Variants in MTX2 observed in about 807,000 individuals in gnomAD.
The protein encoded by MTX2 is metaxin-2.
MTX2 carries 35 observed loss-of-function variants against 42.3 expected under a neutral mutation model. The observed-to-expected ratio is 0.83, with a 90% CI of 0.63 to 1.10. The LOEUF is 1.10. MTX2 is among the 50% of genes least tolerant of loss of function. The probability of loss-of-function intolerance (pLI) is 0.00; values close to 1 mark genes in which losing one functional copy is unlikely to be tolerated. For synonymous variants in MTX2, 119 were observed against 100.9 expected (o/e 1.18, Z -1.08); for missense variants, 307 against 304.1 (o/e 1.01, Z -0.07).
chr2:176,276,322 G>A lies in MTX2; in HGVS notation c.40+6653G>A, dbSNP rs540053146. Among the ~76,000 whole-genome samples, 21 of 152,222 alleles carry A rather than the reference G, an allele frequency of 1.4e-4. No homozygotes were observed. In the South Asian group the frequency reaches 2.9e-3, roughly 21 times the overall value. ...GAATCTTGGTATAGGTCATATTGGC[G>A]GTCTGTTAATTAGAATTGCCATAGC... On this transcript the variant is annotated intron_variant, in intron 1 of 9. Transcript: ENST00000249442.
At chr2:176,311,077 G>A (rs953555798) in intron 3 of MTX2, among the ~76,000 whole-genome samples, 4 of 152,150 alleles carry the variant, frequency 2.6e-5, no homozygotes, top group Non-Finnish European at 4.4e-5. Context: ...TACAAATGGG[G>A]TTTTGGTGTA....
At chr2:176,298,732 G>A (rs1479138079) in intron 3 of MTX2, among the ~76,000 whole-genome samples, 1 of 152,126 alleles carries the variant, frequency 6.6e-6, no homozygotes, top group Non-Finnish European at 1.5e-5. Context: ...CAATGTAAAA[G>A]TAAATGATTT....
At chr2:176,323,581 A>C (rs1285911963) in intron 4 of MTX2, 117 bp downstream of exon 4, 2 of 925,862 alleles carry the variant, frequency 2.2e-6, no homozygotes, top group Non-Finnish European at 3.3e-6. Flanking sequence ...CCTTTGAAGA[A>C]TCTTTCCATG....
At chr2:176,294,278 CT>C (rs750682515) in intron 1 of MTX2, among the ~76,000 whole-genome samples, 28,224 of 125,184 alleles carry the variant, frequency 0.23, 2,461 homozygotes, top group South Asian at 0.26. Context: ...GATGAATTAA[CT>C]TTTTTTTTTT....
chr2:176,287,897 CTTTTTT>C (rs35080426), intron 1 of MTX2, among the ~76,000 whole-genome samples: 1 of 140,252 alleles, frequency 7.1e-6, no homozygotes, highest in Non-Finnish European at 1.5e-5. Flanking sequence ...ATACTGACTG[CTTTTTT>C]TTTTTTTTTA....
In MTX2 at chr2:176,337,701, A is replaced by T. The variant is rs780140871; in HGVS notation, c.*37A>T. ...AGTCTCAGGAGTCTTAACTTTTGAA[A>T]TATGTTTTACTTGAATGTTACATTA... is the stretch of plus-strand genomic sequence containing the variant. On this transcript the variant is annotated 3_prime_UTR_variant, in exon 10 of 10. Coordinates refer to ENST00000249442, the MANE Select transcript of MTX2 (RefSeq NM_006554.5). The T allele has an allele frequency of 6.7e-7, 1 of 1,482,976 alleles. No individual in the cohort carries two copies. Among genetic ancestry groups the T allele is most frequent in the Non-Finnish European group, 9.0e-7 (1 of 1,110,424 alleles). 91.9% of individuals were successfully genotyped at this position (1,482,976 alleles called of 1,614,324 possible). A position where few individuals can be genotyped will look rare whatever the true frequency, so the allele number is the denominator to read the frequency against.
intron 3 of MTX2, among the ~76,000 whole-genome samples, chr2:176,316,490 C>T (rs1366881531): frequency 6.6e-6 from 1 of 152,148 alleles, no homozygotes; most frequent in Admixed American, 6.5e-5. Context: ...CAGCCTCAAC[C>T]TCCTGGGCTT....
At chr2:176,271,985 T>C (rs1396697455) in intron 1 of MTX2, among the ~76,000 whole-genome samples, 1 of 152,112 alleles carries the variant, frequency 6.6e-6, no homozygotes, top group African/African-American at 2.4e-5. Context: ...AGCCAAGATA[T>C]GGAAGCAACC....
intron 3 of MTX2, among the ~76,000 whole-genome samples, chr2:176,314,012 C>T (rs1684379151): frequency 6.6e-6 from 1 of 152,022 alleles, no homozygotes; most frequent in Non-Finnish European, 1.5e-5. Flanking sequence ...ACATTGAGCC[C>T]TTTTTACCAT....
chr2:176,332,122 T>C (rs1684877246), intron 9 of MTX2, among the ~76,000 whole-genome samples: 2 of 151,310 alleles, frequency 1.3e-5, no homozygotes, highest in South Asian at 4.1e-4. Context: ...TTAATTGATA[T>C]TATGATGTAG....
chr2:176,295,059 A>G (rs539185882), intron 1 of MTX2, among the ~76,000 whole-genome samples: 1 of 152,292 alleles, frequency 6.6e-6, no homozygotes, highest in South Asian at 2.1e-4. Flanking sequence ...GTTTAATCAA[A>G]TATCTTCTTT....
intron 1 of MTX2, among the ~76,000 whole-genome samples, chr2:176,293,807 G>C (rs1027748721): frequency 2.6e-5 from 4 of 152,164 alleles, no homozygotes; most frequent in Non-Finnish European, 5.9e-5. Flanking sequence ...ACAGAATCAT[G>C]TAGGTGATGC....
intron 3 of MTX2, among the ~76,000 whole-genome samples, chr2:176,318,381 A>G (rs1439486689): frequency 6.6e-6 from 1 of 152,184 alleles, no homozygotes; most frequent in Non-Finnish European, 1.5e-5. Context: ...ATTAAATTTC[A>G]GGGTCTTAGA....
At chr2:176,326,753 A>AT (rs977606270) in intron 4 of MTX2, 72 bp from the exon 5 acceptor site, 94 of 998,732 alleles carry the variant, frequency 9.4e-5, no homozygotes, top group Middle Eastern at 3.2e-4. Flanking sequence ...TTTTGTGTTA[A>AT]TTTTTTTTAA....
intron 1 of MTX2, among the ~76,000 whole-genome samples, chr2:176,292,420 T>A (rs1353501060): frequency 6.8e-6 from 1 of 146,824 alleles, no homozygotes; most frequent in African/African-American, 2.5e-5. Context: ...GCATCATGAT[T>A]TTAAATCCTT....
At chr2:176,288,438 G>A (rs1245828132) in intron 1 of MTX2, among the ~76,000 whole-genome samples, 7 of 151,894 alleles carry the variant, frequency 4.6e-5, no homozygotes, top group East Asian at 1.9e-4. Flanking sequence ...AAGAGCTGCC[G>A]AATGCTCTTT....
intron 3 of MTX2, among the ~76,000 whole-genome samples, chr2:176,316,987 A>G (rs552698450): frequency 6.6e-6 from 1 of 151,454 alleles, no homozygotes; most frequent in Non-Finnish European, 1.5e-5. Flanking sequence ...GTATATTACA[A>G]CCAGTGGTTG....
Position 176,330,662 on chromosome 2 carries a change from T to A in MTX2, c.620+2T>A. 1 of 1,583,904 alleles carries A rather than the reference T, an allele frequency of 6.3e-7. No individual in the cohort carries two copies. The highest frequency in any genetic ancestry group is 8.6e-7 in the Non-Finnish European group (1 of 1,161,008). ...ACAACCGTATTTCTTCAATAAGCAGTAAGAAATTTTACTTTTTTAAAGTTA... is the reference window on the plus strand; with the variant it reads ...ACAACCGTATTTCTTCAATAAGCAGAAAGAAATTTTACTTTTTTAAAGTTA... On this transcript the variant is annotated splice_donor_variant, in intron 9 of 9. Coordinates refer to ENST00000249442, the MANE Select transcript of MTX2 (RefSeq NM_006554.5). LOFTEE classifies it high-confidence loss of function.
intron 3 of MTX2, among the ~76,000 whole-genome samples, chr2:176,310,471 G>A (rs546262635): frequency 1.3e-4 from 20 of 152,162 alleles, no homozygotes; most frequent in Admixed American, 2.6e-4. Context: ...GAAAGTTCTA[G>A]TGGATAATAT....
Sources: gnomAD v4.1 joint callset for allele counts (sites outside exome capture counted in the v4.1 genomes callset) on GRCh38, gnomAD v4.1.1 for gene constraint, MANE v1.5 for transcripts, NCBI Gene and HGNC (gene_info 2026-07-23, HGNC 2026-07-21) for gene names.